The following TMEM132C variants were observed in gnomAD, a reference collection of about 807,000 sequenced individuals.
TMEM132C encodes transmembrane protein 132C, also known as protein phosphatase 1, regulatory subunit 152.
In TMEM132C, 29 loss-of-function variants were observed where a neutral mutation model predicts 61.4. The ratio of observed to expected loss-of-function variants is 0.47; its 90% CI spans 0.35 to 0.64. TMEM132C has a LOEUF of 0.64. Among genes scored for constraint, TMEM132C ranks in the 30% least tolerant of loss-of-function variants. The pLI is 0.00. For synonymous variants in TMEM132C, 656 were observed against 633.1 expected (o/e 1.04, Z -0.54); for missense variants, 1,408 against 1,476.9 (o/e 0.95, Z 0.76).
At chr12:128,410,414 T>C (rs544300109) in intron 1 of TMEM132C, among the ~76,000 whole-genome samples, 2 of 152,202 alleles carry the variant, frequency 1.3e-5, no homozygotes, top group South Asian at 4.2e-4. Flanking sequence ...TTTGTATGTA[T>C]GTATTTTGAG....
chr12:128,426,475 C>T (rs1869186926), intron 2 of TMEM132C, among the ~76,000 whole-genome samples: 1 of 152,192 alleles, frequency 6.6e-6, no homozygotes, highest in Non-Finnish European at 1.5e-5. Context: ...ACCAAGTTTG[C>T]ATTGACTGCA....
At chr12:128,440,298 G>C (rs1869739916) in intron 2 of TMEM132C, among the ~76,000 whole-genome samples, 1 of 152,186 alleles carries the variant, frequency 6.6e-6, no homozygotes, top group Non-Finnish European at 1.5e-5. Flanking sequence ...TCTTTTAGTT[G>C]TAGTTCTCAA....
At chr12:128,490,438 C>T (rs1364217713) in intron 2 of TMEM132C, among the ~76,000 whole-genome samples, 2 of 152,090 alleles carry the variant, frequency 1.3e-5, no homozygotes, top group Non-Finnish European at 2.9e-5. Context: ...CCTCATTGCC[C>T]CTGGCAGTGT....
chr12:128,306,236 G>A (rs1256721078), intron 1 of TMEM132C, among the ~76,000 whole-genome samples: 2 of 125,864 alleles, frequency 1.6e-5, no homozygotes, highest in African/African-American at 3.0e-5. Flanking sequence ...ACTGAGCCTT[G>A]CTCCGTTGCC....
At chr12:128,639,414 G>A (rs370676691) in intron 4 of TMEM132C, among the ~76,000 whole-genome samples, 18,314 of 152,002 alleles carry the variant, frequency 0.12, 1,443 homozygotes, top group African/African-American at 0.23. Flanking sequence ...TGATGATGAT[G>A]ATAATAATGA....
intron 2 of TMEM132C, among the ~76,000 whole-genome samples, chr12:128,525,344 T>TTTCTCTC: frequency 7.1e-6 from 1 of 139,950 alleles, no homozygotes; most frequent in Non-Finnish European, 1.5e-5. Context: ...CTCTCTCTCT[T>TTTCTCTC]TCTCTCTCTC....
intron 1 of TMEM132C, among the ~76,000 whole-genome samples, chr12:128,379,516 C>T (rs1874335243): frequency 6.6e-6 from 1 of 152,218 alleles, no homozygotes; most frequent in African/African-American, 2.4e-5. Flanking sequence ...GCACCCACTC[C>T]AGAGGCGCTA....
intron 2 of TMEM132C, among the ~76,000 whole-genome samples, chr12:128,507,443 G>A (rs77973078): frequency 0.12 from 13,715 of 118,758 alleles, 734 homozygotes; most frequent in Middle Eastern, 0.2. Context: ...AGCCATCCCC[G>A]CAGCTTAGTC....
chr12:128,626,641 C>T (rs1435981257), intron 4 of TMEM132C, among the ~76,000 whole-genome samples: 1 of 151,836 alleles, frequency 6.6e-6, no homozygotes. Context: ...GACAAGGTTT[C>T]ACCGTGTTGG....
intron 3 of TMEM132C, among the ~76,000 whole-genome samples, chr12:128,613,821 C>T (rs1036785018): frequency 2.6e-5 from 4 of 152,150 alleles, no homozygotes; most frequent in African/African-American, 7.2e-5. Context: ...ATGGTGCACT[C>T]GATATTAGTG....
chr12:128,587,767 G>A (rs1875603400), intron 3 of TMEM132C, among the ~76,000 whole-genome samples: 1 of 152,154 alleles, frequency 6.6e-6, no homozygotes, highest in Non-Finnish European at 1.5e-5. Flanking sequence ...CACTTTCAAA[G>A]TGATGCATTG....
intron 6 of TMEM132C, among the ~76,000 whole-genome samples, chr12:128,695,360 AT>A (rs60655999): frequency 0.32 from 47,588 of 148,946 alleles, 8,239 homozygotes; most frequent in Non-Finnish European, 0.39. Context: ...TCTCTACAGA[AT>A]TTTTTTTTTT....
intron 2 of TMEM132C, among the ~76,000 whole-genome samples, chr12:128,517,066 C>T (rs1359824809): frequency 9.3e-6 from 1 of 107,866 alleles, no homozygotes; most frequent in Non-Finnish European, 2.0e-5. Flanking sequence ...GCTAAAAATA[C>T]AAAAAAAAAA....
chr12:128,664,888 C>A (rs1483029499), intron 4 of TMEM132C, among the ~76,000 whole-genome samples: 1 of 152,150 alleles, frequency 6.6e-6, no homozygotes, highest in Non-Finnish European at 1.5e-5. Flanking sequence ...TTGGCCTCAA[C>A]TAAAAAGGTA....
At chr12:128,474,183 G>A (rs1227079421) in intron 2 of TMEM132C, among the ~76,000 whole-genome samples, 2 of 152,184 alleles carry the variant, frequency 1.3e-5, no homozygotes, top group African/African-American at 4.8e-5. Flanking sequence ...CAGAGCATCT[G>A]GTTTGGCAAG....
chr12:128,459,236 G>T (rs1011049934), intron 2 of TMEM132C, among the ~76,000 whole-genome samples: 3 of 152,174 alleles, frequency 2.0e-5, no homozygotes, highest in Non-Finnish European at 4.4e-5. Flanking sequence ...GCCATTGAGA[G>T]CCCTGGATCA....
chr12:128,402,128 G>C (rs553338205), intron 1 of TMEM132C, among the ~76,000 whole-genome samples: 1 of 152,134 alleles, frequency 6.6e-6, no homozygotes, highest in Non-Finnish European at 1.5e-5. Context: ...ACTCCAAGCC[G>C]AGGACTGCAG....
At chr12:128,379,816 G>A (rs1414187435) in intron 1 of TMEM132C, among the ~76,000 whole-genome samples, 2 of 152,154 alleles carry the variant, frequency 1.3e-5, no homozygotes, top group Non-Finnish European at 2.9e-5. Flanking sequence ...TGCTTTTAGC[G>A]ACCAGCATTC....
At chr12:128,654,056 A>G (rs775695087) in intron 4 of TMEM132C, among the ~76,000 whole-genome samples, 14 of 152,248 alleles carry the variant, frequency 9.2e-5, no homozygotes, top group Non-Finnish European at 1.8e-4. Context: ...TTCTTTGCAA[A>G]GAATAAAGAG....
Sources: allele counts gnomAD v4.1 joint callset (sites outside exome capture counted in the v4.1 genomes callset), GRCh38; gene constraint gnomAD v4.1.1; transcripts MANE v1.5; gene names NCBI Gene and HGNC (gene_info 2026-07-23, HGNC 2026-07-21).